The following KCNAB2 variants were observed in gnomAD, a reference collection of about 807,000 sequenced individuals.
KCNAB2 encodes the protein potassium voltage-gated channel subfamily A regulatory beta subunit 2.
In KCNAB2, 29 loss-of-function variants were observed where a neutral mutation model predicts 63.6. That is an observed-to-expected ratio of 0.46 (90% CI 0.34 to 0.62). KCNAB2 has a LOEUF of 0.62. KCNAB2 is among the 20% of genes least tolerant of loss of function. The probability of loss-of-function intolerance (pLI) is 0.01; values close to 1 mark genes in which losing one functional copy is unlikely to be tolerated. For synonymous variants in KCNAB2, 222 were observed against 224.2 expected (o/e 0.99, Z 0.09); for missense variants, 359 against 563.9 (o/e 0.64, Z 3.68).
chr1:6,053,022 G>A (rs1379452727), intron 2 of KCNAB2, among the ~76,000 whole-genome samples: 1 of 152,104 alleles, frequency 6.6e-6, no homozygotes, highest in African/African-American at 2.4e-5. Context: ...TTCTCCTGTG[G>A]ACGGCGTGTT....
intron 2 of KCNAB2, among the ~76,000 whole-genome samples, chr1:6,053,169 T>G (rs898292837): frequency 2.6e-5 from 4 of 152,138 alleles, no homozygotes; most frequent in Non-Finnish European, 5.9e-5. Flanking sequence ...AAGGGTCCGC[T>G]AGTTTGGCCA....
chr1:6,051,872 G>A, intron 2 of KCNAB2, 118 bp downstream of exon 2: 1 of 1,198,056 alleles, frequency 8.3e-7, no homozygotes, highest in Non-Finnish European at 1.1e-6. Flanking sequence ...GGGAGGCAGA[G>A]GCGGGTGGAT....
intron 1 of KCNAB2, among the ~76,000 whole-genome samples, chr1:6,009,534 C>A (rs1038355763): frequency 2.0e-5 from 3 of 152,278 alleles, no homozygotes; most frequent in Non-Finnish European, 4.4e-5. Context: ...TGATTCTGTT[C>A]TCTCCCTGGC....
At chr1:6,085,334 T>TGTC (rs1664609083) in intron 6 of KCNAB2, 86 bp downstream of exon 6, 1 of 1,187,696 alleles carries the variant, frequency 8.4e-7, no homozygotes, top group African/African-American at 1.5e-5. Context: ...TGTCGTGCAG[T>TGTC]GTCGTAAGGC....
chr1:6,092,946 A>G (rs1665310407), intron 10 of KCNAB2, among the ~76,000 whole-genome samples: 2 of 152,210 alleles, frequency 1.3e-5, no homozygotes, highest in African/African-American at 4.8e-5. Context: ...CAGTGGCCTC[A>G]GCTCTAGCCT....
intron 4 of KCNAB2, among the ~76,000 whole-genome samples, chr1:6,077,674 G>A (rs1663788770): frequency 6.6e-6 from 1 of 152,234 alleles, no homozygotes; most frequent in South Asian, 2.1e-4. Context: ...CGAGCCCTTT[G>A]TTCTTAGTCT....
At chr1:6,031,267 A>G (rs1332188947), upstream of KCNAB2, among the ~76,000 whole-genome samples, 5 of 152,128 alleles carry the variant, frequency 3.3e-5, no homozygotes, top group Non-Finnish European at 7.4e-5. The surrounding 1 kb of genome is among the most constrained non-coding windows in gnomAD (Gnocchi z 4.1). Flanking sequence ...ATCTCATGCA[A>G]GCAGCTCAGG....
In KCNAB2 at chr1:6,003,253, G is replaced by A. The variant is rs746625902; in HGVS notation, c.-53+10465G>A. On this transcript the variant is annotated intron_variant, in intron 1 of 16. Transcript: ENST00000341524. This position sits in a 1 kb window ranked among gnomAD's most constrained non-coding sequence, Gnocchi z 4.1. ...CAGAGCCTGTGCTACAAGCCCGGGT[G>A]GCCGGAGCCTCCTGCGGGATTCCCC... Among the ~76,000 whole-genome samples, 21 of 152,298 alleles carry A rather than the reference G, an allele frequency of 1.4e-4. No homozygotes were observed. Among genetic ancestry groups the A allele is most frequent in the Non-Finnish European group, 2.4e-4 (16 of 68,012 alleles).
intron 2 of KCNAB2, among the ~76,000 whole-genome samples, chr1:6,062,985 C>G (rs572656178): frequency 1.3e-5 from 2 of 152,042 alleles, no homozygotes; most frequent in African/African-American, 4.8e-5. Context: ...ATTCCCACCC[C>G]CTGCAACCAC....
chr1:6,073,341 C>T lies in KCNAB2; in HGVS notation c.263-392C>T, dbSNP rs552703571. Among the ~76,000 whole-genome samples the T allele has an allele frequency of 2.6e-5, 4 of 152,270 alleles. No homozygotes were observed. The highest frequency in any genetic ancestry group is 4.1e-4 in the South Asian group (2 of 4,822). On this transcript the variant is annotated intron_variant, in intron 3 of 15. Coordinates refer to ENST00000378083, the MANE Select transcript of KCNAB2 (RefSeq NM_001199862.2). The surrounding 1 kb of genome is among the most constrained non-coding windows in gnomAD (Gnocchi z 5.7). ...CCCACTGCCCTGACACCGCCCTCCCCGCTCTGTCCCAGCAGGAGCACGCAG... is the reference window on the plus strand; with the variant it reads ...CCCACTGCCCTGACACCGCCCTCCCTGCTCTGTCCCAGCAGGAGCACGCAG...
At position 6,087,488 on chromosome 1, in the gene KCNAB2, C is replaced by T; in HGVS notation, c.447C>T (p.Thr149=). ...ACAGGCGGTCCAGCCTCGTCATCAC[C>T]ACCAAGATCTTCTGGGGCGGAAAGT... ...KGWRRSSLVI[T]TKIFWGGKAE... The change falls in exon 7 of 16, where the codon ACC becomes ACT. Residue 149 remains threonine, a synonymous_variant. Coordinates refer to ENST00000378083, the MANE Select transcript of KCNAB2 (RefSeq NM_001199862.2). The surrounding 1 kb of genome is among the most constrained non-coding windows in gnomAD (Gnocchi z 6.4). 6.2e-7 allele frequency: 1 copy of T among 1,614,204 alleles called. No homozygotes were observed. The highest frequency in any genetic ancestry group is 1.7e-5 in the Admixed American group (1 of 60,034).
At chr1:6,038,091 A>G (rs1660201152) in intron 1 of KCNAB2, among the ~76,000 whole-genome samples, 1 of 150,714 alleles carries the variant, frequency 6.6e-6, no homozygotes, top group South Asian at 2.1e-4. Context: ...GTTAGCCAGG[A>G]TGGTCTCGAT....
rs1663202732 is a variant in KCNAB2, at chr1:6,071,705, G to A, written c.219-1050G>A. 6.6e-6 allele frequency among the ~76,000 whole-genome samples: 1 copy of A among 151,876 alleles called. No individual in the cohort carries two copies. Among genetic ancestry groups the A allele is most frequent in the Non-Finnish European group, 1.5e-5 (1 of 67,900 alleles). On this transcript the variant is annotated intron_variant, in intron 2 of 15. Transcript: ENST00000378083. The surrounding 1 kb of genome is among the most constrained non-coding windows in gnomAD (Gnocchi z 8.5). ...TCTGCTGCGTAGGACTCCTGCCGCC[G>A]CATAGGGCTCTGCTGCGTAGGACTC...
At chr1:6,049,106 A>G (rs1291848052) in intron 1 of KCNAB2, among the ~76,000 whole-genome samples, 1 of 152,234 alleles carries the variant, frequency 6.6e-6, no homozygotes, top group Non-Finnish European at 1.5e-5. Context: ...CCCCAGCAAG[A>G]GAGGACGACC....
At chr1:6,063,922 G>T (rs1662531056) in intron 2 of KCNAB2, among the ~76,000 whole-genome samples, 1 of 152,172 alleles carries the variant, frequency 6.6e-6, no homozygotes, top group African/African-American at 2.4e-5. Context: ...CTGGTCATGT[G>T]GTGAGGCCGA....
chr1:6,045,895 C>A lies in KCNAB2; in HGVS notation c.-315C>A. The A allele has an allele frequency of 1.0e-6, 1 of 985,472 alleles. No homozygotes were observed. Among genetic ancestry groups the A allele is most frequent in the South Asian group, 4.7e-5 (1 of 21,290 alleles). The allele number at this position is 985,472 out of a possible 1,614,324, so 61.0% of individuals were successfully genotyped here. The stretch of plus-strand genomic sequence containing the variant: ...CCAACCCCACGCACCGGGAGTCAGC[C>A]TTGCCAGGTTGCAGCACGGAACTGC... On this transcript the variant is annotated 5_prime_UTR_variant, in exon 1 of 16. Coordinates refer to ENST00000378083, the MANE Select transcript of KCNAB2 (RefSeq NM_001199862.2). This position sits in a 1 kb window ranked among gnomAD's most constrained non-coding sequence, Gnocchi z 4.8.
intron 10 of KCNAB2, among the ~76,000 whole-genome samples, chr1:6,092,428 G>A (rs569269670): frequency 1.5e-4 from 23 of 152,256 alleles, no homozygotes; most frequent in Admixed American, 5.9e-4. Flanking sequence ...TTCACTGGCT[G>A]GGACCTTGGA....
Position 6,028,055 on chromosome 1 carries a change from A to C in KCNAB2, c.-52-12462A>C, listed in dbSNP as rs1659323382. On this transcript the variant is annotated intron_variant, in intron 1 of 16. Transcript: ENST00000341524. This position sits in a 1 kb window ranked among gnomAD's most constrained non-coding sequence, Gnocchi z 4.0. ...CACCCTCTGGGGTGTCCTTCTGACA[A>C]ATGGGCCTTTCTTCCAGATCCCCAT... 6.6e-6 allele frequency among the ~76,000 whole-genome samples: 1 copy of C among 152,182 alleles called. No individual in the cohort carries two copies. Among genetic ancestry groups the C allele is most frequent in the South Asian group, 2.1e-4 (1 of 4,830 alleles).
At chr1:6,075,380 C>T (rs1663574785) in intron 4 of KCNAB2, among the ~76,000 whole-genome samples, 1 of 152,228 alleles carries the variant, frequency 6.6e-6, no homozygotes, top group South Asian at 2.1e-4. Flanking sequence ...CTGGCCCAGG[C>T]CTCTGCAGTG....
Sources: allele counts gnomAD v4.1 joint callset (sites outside exome capture counted in the v4.1 genomes callset), GRCh38; gene constraint gnomAD v4.1.1; non-coding constraint Gnocchi (gnomAD v3.1); transcripts MANE v1.5; gene names NCBI Gene and HGNC (gene_info 2026-07-23, HGNC 2026-07-21).